Variants in NLGN1 observed in about 807,000 individuals in gnomAD.
NLGN1 encodes neuroligin-1.
Under a neutral mutation model 65.5 loss-of-function variants are expected in NLGN1, and 12 were observed. The observed-to-expected ratio is 0.18, with a 90% CI of 0.12 to 0.30. The LOEUF (loss-of-function observed/expected upper bound fraction) is 0.30, where lower values mean the gene tolerates loss of function less well. Among genes scored for constraint, NLGN1 ranks in the 10% least tolerant of loss-of-function variants. The probability of loss-of-function intolerance (pLI) is 1.00; values close to 1 mark genes in which losing one functional copy is unlikely to be tolerated. For synonymous variants in NLGN1, 350 were observed against 359.5 expected, an observed-to-expected ratio of 0.97 and a Z score of 0.30; for missense variants, 750 against 1,007.1, an observed-to-expected ratio of 0.74 and a Z score of 3.46.
chr3:174,248,453 A>C (rs759118478), intron 4 of NLGN1, among the ~76,000 whole-genome samples: 2 of 152,206 alleles, frequency 1.3e-5, no homozygotes, highest in Non-Finnish European at 2.9e-5. Context: ...TTGCATAATA[A>C]AGAGCACTAA....
intron 4 of NLGN1, among the ~76,000 whole-genome samples, chr3:174,037,663 C>T (rs73880319): frequency 0.023 from 3,449 of 152,242 alleles, 134 homozygotes; most frequent in African/African-American, 0.078. Context: ...TAGTTAAGGA[C>T]AGAATTTGTT....
chr3:173,917,260 ATTACT>A (rs954602291), intron 4 of NLGN1, among the ~76,000 whole-genome samples: 7 of 152,194 alleles, frequency 4.6e-5, no homozygotes, highest in Non-Finnish European at 8.8e-5. Flanking sequence ...AATCTCTTGG[ATTACT>A]TTATACTTTC....
intron 4 of NLGN1, among the ~76,000 whole-genome samples, chr3:173,908,927 T>C (rs1739003413): frequency 6.6e-6 from 1 of 152,150 alleles, no homozygotes; most frequent in Admixed American, 6.5e-5. Context: ...TATCTAAAGA[T>C]TGAAATGTAA....
rs1015861144 is a variant in NLGN1 at position 174,045,900 on chromosome 3, G to A, written c.647-229415G>A. Among the ~76,000 whole-genome samples, 79 of 152,242 alleles carry A rather than the reference G, an allele frequency of 5.2e-4. 1 individual carries two copies. The highest frequency in any genetic ancestry group is 1.8e-3 in the African/African-American group (76 of 41,562). On this transcript the variant is annotated intron_variant, in intron 4 of 6. Coordinates refer to ENST00000457714, the Ensembl canonical transcript of NLGN1. ...AAAACAGACATTTCAGTCCTCTGAAGTAATTTCTATAATAAGAATTCCAAT... is the reference window on the plus strand; with the variant it reads ...AAAACAGACATTTCAGTCCTCTGAAATAATTTCTATAATAAGAATTCCAAT...
intron 3 of NLGN1, among the ~76,000 whole-genome samples, chr3:173,736,621 G>C (rs1452965982): frequency 6.6e-6 from 1 of 151,740 alleles, no homozygotes; most frequent in Non-Finnish European, 1.5e-5. Context: ...GGCTTGGAGA[G>C]GGTTGCAGTA....
At chr3:173,466,046 G>A (rs1290121849) in intron 2 of NLGN1, among the ~76,000 whole-genome samples, 7 of 152,180 alleles carry the variant, frequency 4.6e-5, no homozygotes, top group Admixed American at 3.3e-4. Flanking sequence ...AATAGACCAG[G>A]TTCTAGTGAA....
At chr3:173,967,570 A>G (rs1482176317) in intron 4 of NLGN1, among the ~76,000 whole-genome samples, 1 of 152,144 alleles carries the variant, frequency 6.6e-6, no homozygotes, top group Non-Finnish European at 1.5e-5. Flanking sequence ...ATATTTTCAC[A>G]TTACTATATA....
At chr3:173,863,407 TG>T (rs1729529518) in intron 4 of NLGN1, among the ~76,000 whole-genome samples, 1 of 152,212 alleles carries the variant, frequency 6.6e-6, no homozygotes, top group Non-Finnish European at 1.5e-5. Context: ...CAGAAATCTT[TG>T]CTTACTTTAG....
downstream of NLGN1, among the ~76,000 whole-genome samples, chr3:174,287,553 T>G (rs749462767): frequency 5.3e-5 from 8 of 151,600 alleles, no homozygotes; most frequent in Non-Finnish European, 1.0e-4. Context: ...AGGATGTTAT[T>G]TCTGAGTTCA....
chr3:174,137,091 C>T (rs930448156), intron 4 of NLGN1, among the ~76,000 whole-genome samples: 3 of 152,004 alleles, frequency 2.0e-5, no homozygotes, highest in East Asian at 1.9e-4. Context: ...TATTGACTAC[C>T]GTGCTGAAAG....
chr3:174,015,710 G>T (rs291921), intron 4 of NLGN1, among the ~76,000 whole-genome samples: 1 of 152,162 alleles, frequency 6.6e-6, no homozygotes, highest in Non-Finnish European at 1.5e-5. Flanking sequence ...GAAAACAGAA[G>T]ACAGGAGTGG....
intron 4 of NLGN1, among the ~76,000 whole-genome samples, chr3:174,163,076 A>G (rs1726853458): frequency 1.3e-5 from 2 of 152,066 alleles, no homozygotes; most frequent in Middle Eastern, 3.4e-3. Context: ...ATTAAGCTTT[A>G]CAAAGAGAAT....
At chr3:174,233,851 T>G (rs1460840402) in intron 4 of NLGN1, among the ~76,000 whole-genome samples, 2 of 152,196 alleles carry the variant, frequency 1.3e-5, no homozygotes, top group Non-Finnish European at 2.9e-5. Context: ...TGCCACAAAA[T>G]ATTACCATCT....
At chr3:173,605,078 C>A in exon 3 of NLGN1, 10 of 1,607,624 alleles carry the variant, frequency 6.2e-6, no homozygotes, top group Non-Finnish European at 8.5e-6. Flanking sequence ...ATATATATGT[C>A]CCGACTGAGG....
intron 4 of NLGN1, among the ~76,000 whole-genome samples, chr3:173,977,567 C>T (rs2152386437): frequency 6.6e-6 from 1 of 152,020 alleles, no homozygotes; most frequent in South Asian, 2.1e-4. Context: ...AATTTTTATA[C>T]TAGAAGACAG....
intron 4 of NLGN1, among the ~76,000 whole-genome samples, chr3:173,885,241 G>A (rs62292079): frequency 0.14 from 21,270 of 151,638 alleles, 2,145 homozygotes; most frequent in East Asian, 0.42. Flanking sequence ...ATTATTTAAC[G>A]CATTTTTATA....
chr3:174,078,189 T>C (rs1273495181), intron 4 of NLGN1, among the ~76,000 whole-genome samples: 1 of 152,112 alleles, frequency 6.6e-6, no homozygotes, highest in Non-Finnish European at 1.5e-5. Context: ...TAAGATAGAT[T>C]ATTTTGCTAA....
chr3:173,469,657 A>G (rs1022498316), intron 2 of NLGN1, among the ~76,000 whole-genome samples: 67 of 151,742 alleles, frequency 4.4e-4, no homozygotes, highest in African/African-American at 1.4e-3. Flanking sequence ...AAAAAAATGC[A>G]TTCACAATGG....
chr3:173,996,707 G>A (rs1371985984), intron 4 of NLGN1, among the ~76,000 whole-genome samples: 2 of 152,078 alleles, frequency 1.3e-5, no homozygotes, highest in Admixed American at 6.6e-5. Context: ...CCTTTGTTCT[G>A]AGAACTACAC....
Sources: gnomAD v4.1 joint callset for allele counts (sites outside exome capture counted in the v4.1 genomes callset) on GRCh38, gnomAD v4.1.1 for gene constraint, MANE v1.5 for transcripts, NCBI Gene and HGNC (gene_info 2026-07-23, HGNC 2026-07-21) for gene names.